The following TCERG1L variants were observed in gnomAD, a reference collection of about 807,000 sequenced individuals.
The protein encoded by TCERG1L is transcription elongation regulator 1 like.
In TCERG1L, 37 loss-of-function variants were observed where a neutral mutation model predicts 56.3. That is an observed-to-expected ratio of 0.66 (90% CI 0.51 to 0.87). The LOEUF is 0.87. Among genes scored for constraint, TCERG1L ranks in the 40% least tolerant of loss-of-function variants. The pLI, the probability that TCERG1L is intolerant of heterozygous loss-of-function variation, is 0.00. For synonymous variants in TCERG1L, 324 were observed against 326.3 expected (o/e 0.99, Z 0.08); for missense variants, 799 against 774.2 (o/e 1.03, Z -0.38).
At chr10:131,098,256 T>C in intron 11 of TCERG1L, 50 bp downstream of exon 11, 12 of 1,529,576 alleles carry the variant, frequency 7.8e-6, no homozygotes, top group Non-Finnish European at 1.1e-5. Context: ...CTCTTGTCAT[T>C]GGTAAGTTCC....
intron 7 of TCERG1L, among the ~76,000 whole-genome samples, chr10:131,138,007 G>A (rs1202556187): frequency 6.6e-6 from 1 of 152,174 alleles, no homozygotes; most frequent in African/African-American, 2.4e-5. Flanking sequence ...GATGGCTTAT[G>A]TCTGTAATCC....
chr10:131,210,677 T>C (rs6482873), intron 4 of TCERG1L, among the ~76,000 whole-genome samples: 17,651 of 152,074 alleles, frequency 0.12, 1,226 homozygotes, highest in African/African-American at 0.2. Flanking sequence ...GATTCAGCCC[T>C]CATCTCCGCC....
chr10:131,213,565 G>A (rs1238296703), intron 4 of TCERG1L, among the ~76,000 whole-genome samples: 3 of 152,188 alleles, frequency 2.0e-5, no homozygotes, highest in East Asian at 3.9e-4. Flanking sequence ...GCCCGGCTGC[G>A]CCTCAGTGTC....
intron 4 of TCERG1L, among the ~76,000 whole-genome samples, chr10:131,171,700 A>G (rs2133441364): frequency 6.6e-6 from 1 of 152,296 alleles, no homozygotes; most frequent in Admixed American, 6.5e-5. Flanking sequence ...CCTCCCGAGC[A>G]GCTGAGATTA....
chr10:131,192,646 T>C lies in TCERG1L; in HGVS notation c.857-25761A>G, dbSNP rs150511721. Among the ~76,000 whole-genome samples, 988 of 144,808 alleles carry C rather than the reference T, an allele frequency of 6.8e-3. 151 individuals are homozygous for C. Among genetic ancestry groups the C allele is most frequent in the African/African-American group, 0.024 (944 of 38,568 alleles). 95.0% of individuals were successfully genotyped at this position (144,808 alleles called of 152,430 possible). ...GAGTAGATAAAGAAAATGTGGTATATCTACACCATGGAATACCACTCAGCC... is the reference window on the plus strand; with the variant it reads ...GAGTAGATAAAGAAAATGTGGTATACCTACACCATGGAATACCACTCAGCC... On this transcript the variant is annotated intron_variant, in intron 4 of 11. Transcript: ENST00000368642.
chr10:131,236,160 C>T (rs914236942), intron 4 of TCERG1L, among the ~76,000 whole-genome samples: 10 of 152,206 alleles, frequency 6.6e-5, no homozygotes, highest in Non-Finnish European at 1.5e-4. Flanking sequence ...TATGCAAACA[C>T]TTAGCCTTTC....
At chr10:131,100,152 C>T (rs1290056571) in intron 10 of TCERG1L, among the ~76,000 whole-genome samples, 1 of 152,186 alleles carries the variant, frequency 6.6e-6, no homozygotes, top group Non-Finnish European at 1.5e-5. Flanking sequence ...CAGGTGTGAG[C>T]CACCACGCCA....
At chr10:131,251,374 T>C (rs1056921477) in intron 4 of TCERG1L, among the ~76,000 whole-genome samples, 2 of 147,114 alleles carry the variant, frequency 1.4e-5, no homozygotes, top group Non-Finnish European at 3.0e-5. Context: ...TCATTGCGAA[T>C]CCTTGCAGTC....
At chr10:131,139,141 C>A (rs1356415368) in intron 7 of TCERG1L, among the ~76,000 whole-genome samples, 2 of 152,220 alleles carry the variant, frequency 1.3e-5, no homozygotes, top group African/African-American at 2.4e-5. Flanking sequence ...CAGAATCTAC[C>A]AGTACAAGTG....
At chr10:131,100,773 T>C (rs545814357) in intron 10 of TCERG1L, among the ~76,000 whole-genome samples, 134 of 152,310 alleles carry the variant, frequency 8.8e-4, no homozygotes, top group African/African-American at 3.2e-3. Flanking sequence ...CCTGTACAGA[T>C]TCTATGTCTG....
chr10:131,190,619 G>T (rs1368550872), intron 4 of TCERG1L, among the ~76,000 whole-genome samples: 1 of 143,512 alleles, frequency 7.0e-6, no homozygotes, highest in East Asian at 1.9e-4. Flanking sequence ...TTTAACACAC[G>T]CAAGTCATTT....
intron 4 of TCERG1L, among the ~76,000 whole-genome samples, chr10:131,175,567 C>T (rs1039267044): frequency 2.6e-5 from 4 of 152,202 alleles, no homozygotes; most frequent in African/African-American, 9.7e-5. Flanking sequence ...CCTCAATACA[C>T]GTGTGTTTAA....
chr10:131,142,916 T>C (rs969756111), intron 7 of TCERG1L, among the ~76,000 whole-genome samples: 3 of 152,070 alleles, frequency 2.0e-5, no homozygotes, highest in Non-Finnish European at 4.4e-5. Context: ...CATCCTGTCA[T>C]CCAGGTGGCC....
chr10:131,219,672 G>A (rs1474811025), intron 4 of TCERG1L, among the ~76,000 whole-genome samples: 1 of 152,212 alleles, frequency 6.6e-6, no homozygotes, highest in Non-Finnish European at 1.5e-5. Context: ...CCCTTCCGAT[G>A]CTCTGAGGGG....
intron 3 of TCERG1L, among the ~76,000 whole-genome samples, chr10:131,292,326 T>C (rs35127202): frequency 0.082 from 12,420 of 152,284 alleles, 645 homozygotes; most frequent in South Asian, 0.24. Flanking sequence ...ATATTGTTTT[T>C]CTTATAAACA....
chr10:131,213,260 G>C (rs1736023724), intron 4 of TCERG1L, among the ~76,000 whole-genome samples: 1 of 152,218 alleles, frequency 6.6e-6, no homozygotes, highest in South Asian at 2.1e-4. Context: ...AAGGGAAAAA[G>C]AAAGGCCCAG....
In TCERG1L at chr10:131,275,153, G is replaced by A. The variant is rs149880357; in HGVS notation, c.671-14709C>T. Among the ~76,000 whole-genome samples the A allele has an allele frequency of 5.6e-4, 86 of 152,332 alleles. 1 individual carries two copies. In the East Asian group the frequency reaches 0.012, roughly 21 times the overall value. ...CCTGGCAGCCGGGCCTCCTCCCACAGAGCTAAGGAGCTAAGAGGTGCAGCT... is the reference window on the plus strand; with the variant it reads ...CCTGGCAGCCGGGCCTCCTCCCACAAAGCTAAGGAGCTAAGAGGTGCAGCT... On this transcript the variant is annotated intron_variant, in intron 3 of 11. Transcript: ENST00000368642.
At chr10:131,198,083 A>G (rs1351336174) in intron 4 of TCERG1L, among the ~76,000 whole-genome samples, 2 of 152,132 alleles carry the variant, frequency 1.3e-5, no homozygotes, top group African/African-American at 4.8e-5. Context: ...GCACCTGAGG[A>G]GGTTCTCACC....
intron 4 of TCERG1L, among the ~76,000 whole-genome samples, chr10:131,236,331 C>A (rs141916943): frequency 2.0e-5 from 3 of 152,148 alleles, no homozygotes; most frequent in African/African-American, 7.2e-5. Context: ...CCAAACAATT[C>A]GATTAAAACT....
Sources: gnomAD v4.1 joint callset for allele counts (sites outside exome capture counted in the v4.1 genomes callset) on GRCh38, gnomAD v4.1.1 for gene constraint, MANE v1.5 for transcripts, NCBI Gene and HGNC (gene_info 2026-07-23, HGNC 2026-07-21) for gene names.